Variants in SLIT3 observed in about 807,000 individuals in gnomAD.
The protein encoded by SLIT3 is slit guidance ligand 3, also known as slit homolog 3 protein.
In SLIT3, 68 loss-of-function variants were observed where a neutral mutation model predicts 184.0. The ratio of observed to expected loss-of-function variants is 0.37; its 90% CI spans 0.30 to 0.45. SLIT3 has a LOEUF of 0.45. Ranked by LOEUF, SLIT3 falls within the 20% of genes least tolerant of loss-of-function variation. The probability of loss-of-function intolerance (pLI) is 1.00; values close to 1 mark genes in which losing one functional copy is unlikely to be tolerated. For synonymous variants in SLIT3, 831 were observed against 828.6 expected, an observed-to-expected ratio of 1.00 and a Z score of -0.05; for missense variants, 1,707 against 2,026.0, an observed-to-expected ratio of 0.84 and a Z score of 3.02.
chr5:168,878,138 T>C (rs1254077247), intron 5 of SLIT3, among the ~76,000 whole-genome samples: 1 of 152,218 alleles, frequency 6.6e-6, no homozygotes, highest in Non-Finnish European at 1.5e-5. Flanking sequence ...TTCATCCAGA[T>C]CACTTTGTCC....
intron 8 of SLIT3, among the ~76,000 whole-genome samples, chr5:168,809,901 A>G (rs2113640257): frequency 6.6e-6 from 1 of 152,316 alleles, no homozygotes; most frequent in South Asian, 2.1e-4. Flanking sequence ...GATGAGCTGT[A>G]GAATGGGGAG....
intron 4 of SLIT3, among the ~76,000 whole-genome samples, chr5:169,075,125 G>A (rs1381139970): frequency 2.0e-5 from 3 of 151,986 alleles, no homozygotes; most frequent in African/African-American, 7.2e-5. Context: ...TTATGGCTGG[G>A]TCATGATTCG....
intron 3 of SLIT3, 129 bp downstream of exon 3, chr5:169,244,576 A>G: frequency 1.4e-6 from 1 of 716,118 alleles, no homozygotes; most frequent in South Asian, 1.7e-5. Flanking sequence ...AATAGCAAAC[A>G]TTCTATTTAA....
At chr5:168,712,432 G>T in intron 23 of SLIT3, 78 bp from the exon 24 acceptor site, 1 of 1,281,594 alleles carries the variant, frequency 7.8e-7, no homozygotes. Context: ...TCCAGTGCCT[G>T]GCCCTGCCAC....
At chr5:168,678,057 T>C (rs981401763) in intron 32 of SLIT3, among the ~76,000 whole-genome samples, 2 of 152,176 alleles carry the variant, frequency 1.3e-5, no homozygotes, top group Non-Finnish European at 2.9e-5. Context: ...AGTAACCCGA[T>C]AGGGGCCACA....
chr5:169,076,790 TA>T lies in SLIT3; in HGVS notation c.413+116688del, dbSNP rs1758759834. Among the ~76,000 whole-genome samples the T allele has an allele frequency of 1.1e-4, 17 of 152,260 alleles. No individual in the cohort carries two copies. The South Asian group carries it at 2.1e-3, about 19-fold the overall frequency. ...TTTAAAGACTTGAGCTAAGCAGAAATAGAATCTAGTTCAATTCATCGAGTAC... is the reference window on the plus strand; with the variant it reads ...TTTAAAGACTTGAGCTAAGCAGAAATGAATCTAGTTCAATTCATCGAGTAC... On this transcript the variant is annotated intron_variant, in intron 4 of 35. Coordinates refer to ENST00000519560, the MANE Select transcript of SLIT3 (RefSeq NM_003062.4).
intron 1 of SLIT3, among the ~76,000 whole-genome samples, chr5:169,293,816 T>C (rs1440092745): frequency 1.3e-5 from 2 of 152,184 alleles, no homozygotes; most frequent in African/African-American, 4.8e-5. Context: ...AACACAACTA[T>C]GAAGACCACA....
intron 4 of SLIT3, among the ~76,000 whole-genome samples, chr5:168,938,577 G>T (rs973805759): frequency 6.6e-6 from 1 of 152,138 alleles, no homozygotes; most frequent in South Asian, 2.1e-4. Context: ...TAGATACAGT[G>T]ATTTTATTTT....
intron 20 of SLIT3, among the ~76,000 whole-genome samples, chr5:168,736,806 A>G (rs1763451772): frequency 6.6e-6 from 1 of 152,182 alleles, no homozygotes; most frequent in East Asian, 1.9e-4. Flanking sequence ...ACACATAGGG[A>G]CCTGGGTTTC....
At chr5:169,083,359 T>C (rs56697958) in intron 4 of SLIT3, among the ~76,000 whole-genome samples, 6,848 of 152,176 alleles carry the variant, frequency 0.045, 474 homozygotes, top group East Asian at 0.25. Context: ...CTAACATCTC[T>C]CCTCCCACTT....
chr5:169,209,207 A>C (rs992291741), intron 3 of SLIT3, among the ~76,000 whole-genome samples: 2 of 152,244 alleles, frequency 1.3e-5, no homozygotes, highest in African/African-American at 4.8e-5. Context: ...AAAAAAGCTC[A>C]TCATCACTGG....
At chr5:168,695,106 G>T (rs1047429866) in intron 28 of SLIT3, among the ~76,000 whole-genome samples, 1 of 152,182 alleles carries the variant, frequency 6.6e-6, no homozygotes, top group East Asian at 1.9e-4. Flanking sequence ...GAGGGACAAT[G>T]GGAGCCATTT....
intron 4 of SLIT3, among the ~76,000 whole-genome samples, chr5:169,167,527 C>T (rs59810111): frequency 2.6e-5 from 4 of 151,966 alleles, no homozygotes; most frequent in Non-Finnish European, 5.9e-5. Context: ...CCGCTTACAT[C>T]GGCCTCCCAA....
intron 31 of SLIT3, 140 bp downstream of exon 31, chr5:168,685,547 T>C (rs2113226362): frequency 1.9e-6 from 2 of 1,078,230 alleles, no homozygotes; most frequent in East Asian, 2.6e-5. Flanking sequence ...TCTGGATGAG[T>C]TGGTCCAGAT....
intron 4 of SLIT3, among the ~76,000 whole-genome samples, chr5:168,969,687 C>A (rs936922610): frequency 6.6e-6 from 1 of 152,162 alleles, no homozygotes; most frequent in African/African-American, 2.4e-5. Flanking sequence ...TAAATGGGAA[C>A]GAGACACCTT....
intron 4 of SLIT3, among the ~76,000 whole-genome samples, chr5:168,920,521 C>G (rs922906430): frequency 2.6e-5 from 4 of 152,124 alleles, no homozygotes; most frequent in African/African-American, 9.7e-5. Flanking sequence ...CACGGCGGCA[C>G]GGAAGGAATA....
chr5:169,163,121 G>T (rs1339084260), intron 4 of SLIT3, among the ~76,000 whole-genome samples: 1 of 152,050 alleles, frequency 6.6e-6, no homozygotes. Flanking sequence ...AGGTGTTCGA[G>T]ACCAGCCCGG....
At chr5:169,153,864 A>C (rs189975975) in intron 4 of SLIT3, among the ~76,000 whole-genome samples, 3 of 152,176 alleles carry the variant, frequency 2.0e-5, no homozygotes, top group African/African-American at 7.2e-5. Flanking sequence ...GCCAGACTCC[A>C]TCAAGGTGAA....
At chr5:169,138,211 C>A (rs550790735) in intron 4 of SLIT3, among the ~76,000 whole-genome samples, 1 of 152,308 alleles carries the variant, frequency 6.6e-6, no homozygotes, top group Admixed American at 6.5e-5. Flanking sequence ...CAATATAGCC[C>A]TTGCAATATG....
Sources: allele counts gnomAD v4.1 joint callset (sites outside exome capture counted in the v4.1 genomes callset), GRCh38; gene constraint gnomAD v4.1.1; transcripts MANE v1.5; gene names NCBI Gene and HGNC (gene_info 2026-07-23, HGNC 2026-07-21).